IGSF9: variants seen among roughly 807,000 people sequenced by gnomAD.
IGSF9 encodes the protein immunoglobulin superfamily member 9.
In IGSF9, 87 loss-of-function variants were observed where a neutral mutation model predicts 121.7. That is an observed-to-expected ratio of 0.71 (90% CI 0.60 to 0.85). The LOEUF is 0.85. IGSF9 is among the 40% of genes least tolerant of loss of function. The pLI is 0.00. For synonymous variants in IGSF9, 640 were observed against 648.4 expected, an observed-to-expected ratio of 0.99 and a Z score of 0.20; for missense variants, 1,462 against 1,565.3, an observed-to-expected ratio of 0.93 and a Z score of 1.11.
chr1:159,943,094 A>G lies in IGSF9; in HGVS notation c.116T>C (p.Leu39Pro). ...VVGRAGESVVLGCDLLPPAGR... is the reference protein window; with the variant it reads ...VVGRAGESVVPGCDLLPPAGR... Reference sequence around the variant, plus strand: ...GGCCGGGGGCAGCAGGTCACAGCCCAGCACCACACTCTCCCCAGCCCGGCC... The same window carrying G: ...GGCCGGGGGCAGCAGGTCACAGCCCGGCACCACACTCTCCCCAGCCCGGCC... Residue 39 changes from leucine (L) to proline (P), a missense_variant, in exon 3 of 21, where the codon CTG becomes CCG. Around this residue, in one of 3 missense-constraint regions of IGSF9, gnomAD observed 558 missense variants for 599.4 expected, o/e 0.93. Transcript: ENST00000368094. 6.2e-7 allele frequency: 1 copy of G among 1,611,052 alleles called. No individual in the cohort carries two copies. The highest frequency in any genetic ancestry group is 8.5e-7 in the Non-Finnish European group (1 of 1,179,030).
At position 159,932,384 on chromosome 1, in the gene IGSF9, T is replaced by C. The variant is rs945065467; in HGVS notation, c.1245+128A>G. 1.9e-6 allele frequency: 2 copies of C among 1,077,876 alleles called. No homozygotes were observed. The highest frequency in any genetic ancestry group is 2.7e-6 in the Non-Finnish European group (2 of 744,254). The allele number at this position is 1,077,876 out of a possible 1,614,324, so 66.8% of individuals were successfully genotyped here. ...CAGGCAGCTGCTGCCGTGGCCACCA[T>C]GGGAAACAAACTTGGAAACCCCTCC... On this transcript the variant is annotated intron_variant, in intron 10 of 20. Coordinates refer to ENST00000368094, the MANE Select transcript of IGSF9 (RefSeq NM_001135050.2). The surrounding 1 kb of genome is among the most constrained non-coding windows in gnomAD (Gnocchi z 4.1).
At chr1:159,937,971 G>A in intron 3 of IGSF9, 133 bp from the exon 4 acceptor site, 1 of 976,396 alleles carries the variant, frequency 1.0e-6, no homozygotes, top group Non-Finnish European at 1.5e-6. Flanking sequence ...GGGGTCCAGA[G>A]AGACGCAGAT....
In IGSF9 at chr1:159,930,445, T is replaced by C; in HGVS notation, c.1814-6A>G. 6.5e-7 allele frequency: 1 copy of C among 1,529,592 alleles called. No homozygotes were observed. Among genetic ancestry groups the C allele is most frequent in the Non-Finnish European group, 8.8e-7 (1 of 1,140,488 alleles). 94.8% of individuals were successfully genotyped at this position (1,529,592 alleles called of 1,614,324 possible). ...AGCTGGCGTGGTAGGAAGCCCTGCG[T>C]GGGACAGAAAGGCAGGTCAGAGCAA... On this transcript the variant is annotated splice_polypyrimidine_tract_variant and splice_region_variant and intron_variant, in intron 14 of 20. Transcript: ENST00000368094.
Position 159,936,428 on chromosome 1 carries a change from G to A in IGSF9, c.644C>T (p.Ala215Val), listed in dbSNP as rs576460274. The change falls in exon 6 of 21, where the codon GCC (alanine) becomes GTC (valine). Residue 215 changes from alanine (A) to valine (V), a missense_variant. Transcript: ENST00000368094. ...TCQASSTEGSATHATQLLVLG... is the reference protein window; with the variant it reads ...TCQASSTEGSVTHATQLLVLG... ...CACTAGCAGCTGGGTGGCGTGGGTG[G>A]CGCTGCCCTCAGTGCTGGAGGCTTG... 12 of 1,614,066 alleles carry A rather than the reference G, an allele frequency of 7.4e-6. No homozygotes were observed. The Admixed American group carries it at 1.0e-4, about 13-fold the overall frequency.
Position 159,943,059 on chromosome 1 carries a change from G to A in IGSF9, c.151C>T (p.Pro51Ser), listed in dbSNP as rs780048461. The A allele has an allele frequency of 3.1e-6, 5 of 1,613,198 alleles. No homozygotes were observed. Among genetic ancestry groups the A allele is most frequent in the Non-Finnish European group, 3.4e-6 (4 of 1,179,620 alleles). The change falls in exon 3 of 21, where the codon CCC becomes TCC. Residue 51 changes from proline to serine, a missense_variant. Transcript: ENST00000368094. The stretch of plus-strand genomic sequence containing the variant: ...CGCAGCCACTCGATGACATGCAGGG[G>A]GGGCCGGCCGGCCGGGGGCAGCAGG... ...CDLLPPAGRP[P>S]LHVIEWLRFG...
At chr1:159,943,351 AC>A (rs1651468529) in intron 2 of IGSF9, 45 bp downstream of exon 2, 1 of 1,494,634 alleles carries the variant, frequency 6.7e-7, no homozygotes, top group Admixed American at 2.4e-5. Flanking sequence ...CCCCATACCC[AC>A]CCCAAGGCTA....
rs760663053 is a variant in IGSF9, at chr1:159,928,837, C to A, written c.2551G>T (p.Gly851Trp). The A allele has an allele frequency of 6.5e-7, 1 of 1,549,652 alleles. No individual in the cohort carries two copies. The highest frequency in any genetic ancestry group is 1.2e-5 in the South Asian group (1 of 81,766). ...PLEPICRGPD[G>W]RFVMGPTVAA... Reference sequence around the variant, plus strand: ...ACAGTGGGCCCCATCACAAAGCGCCCGTCTGGGCCCCGGCAAATGGGCTCC... The same window carrying A: ...ACAGTGGGCCCCATCACAAAGCGCCAGTCTGGGCCCCGGCAAATGGGCTCC... The change falls in exon 19 of 21, where the codon GGG becomes TGG. Residue 851 changes from glycine (G) to tryptophan (W), a missense_variant. Gly to Trp is a radical substitution (Grantham distance 184). This residue lies in a region of IGSF9 where 808 missense variants were observed against 815.2 expected (regional missense o/e 0.99). Coordinates refer to ENST00000368094, the MANE Select transcript of IGSF9 (RefSeq NM_001135050.2).
rs1176359817 is a variant in IGSF9 at position 159,927,331 on chromosome 1, C to T, written c.*14G>A. On this transcript the variant is annotated 3_prime_UTR_variant, in exon 21 of 21. Coordinates refer to ENST00000368094, the MANE Select transcript of IGSF9 (RefSeq NM_001135050.2). The stretch of plus-strand genomic sequence containing the variant: ...AGGTCCATATGCCTTTTCACAGCCT[C>T]ACATCAGGGATGTTCACAGCAGAGT... The T allele has an allele frequency of 1.2e-6, 2 of 1,613,108 alleles. No individual in the cohort carries two copies. Among genetic ancestry groups the T allele is most frequent in the Non-Finnish European group, 1.7e-6 (2 of 1,180,022 alleles).
At position 159,934,221 on chromosome 1, in the gene IGSF9, G is replaced by A. The variant is rs769839557; in HGVS notation, c.1073C>T (p.Thr358Ile). 36 of 1,613,820 alleles carry A rather than the reference G, an allele frequency of 2.2e-5. No homozygotes were observed. Among genetic ancestry groups the A allele is most frequent in the Non-Finnish European group, 3.0e-5 (35 of 1,179,972 alleles). Residue 358 changes from threonine to isoleucine, a missense_variant, in exon 9 of 21, where the codon ACC becomes ATC. Physicochemically the swap from Thr to Ile is moderately conservative, Grantham distance 89 (BLOSUM62 -1). Coordinates refer to ENST00000368094, the MANE Select transcript of IGSF9 (RefSeq NM_001135050.2). ...ANPPLLFVSWTKDGKALQLDK... is the reference protein window; with the variant it reads ...ANPPLLFVSWIKDGKALQLDK... ...CAGCTGCAGGGCCTTTCCATCCTTG[G>A]TCCAGCTGACAAAGAGCAGTGGGGG... is the stretch of plus-strand genomic sequence containing the variant.
Position 159,928,154 on chromosome 1 carries a change from T to A in IGSF9, c.3230+4A>T. ...AGGCAGGGATGGGCAGGGACTGCTC[T>A]CACCTCTTGCTGACTGTCACCACAT... On this transcript the variant is annotated splice_donor_region_variant and intron_variant, in intron 19 of 20. Coordinates refer to ENST00000368094, the MANE Select transcript of IGSF9 (RefSeq NM_001135050.2). 1.2e-6 allele frequency: 2 copies of A among 1,605,164 alleles called. No homozygotes were observed. The highest frequency in any genetic ancestry group is 8.5e-7 in the Non-Finnish European group (1 of 1,179,668).
chr1:159,941,524 C>T (rs1651379964), intron 3 of IGSF9, among the ~76,000 whole-genome samples: 1 of 152,224 alleles, frequency 6.6e-6, no homozygotes, highest in African/African-American at 2.4e-5. Context: ...GCTCAAGCAA[C>T]AGCACAGACA....
chr1:159,942,957 T>C lies in IGSF9; in HGVS notation c.247+6A>G, dbSNP rs756486234. On this transcript the variant is annotated splice_donor_region_variant and intron_variant, in intron 3 of 20. Transcript: ENST00000368094. ...TCCCTACCTCCCACCTGAGGAGAAC[T>C]CTTACCCACGTAATCAGGGTCAATT... 1.9e-6 allele frequency: 3 copies of C among 1,611,616 alleles called. No homozygotes were observed. In the East Asian group the frequency reaches 6.7e-5, roughly 36 times the overall value.
At position 159,930,844 on chromosome 1, in the gene IGSF9, T is replaced by G; in HGVS notation, c.1661A>C (p.His554Pro). 6.2e-7 allele frequency: 1 copy of G among 1,611,376 alleles called. No homozygotes were observed. The highest frequency in any genetic ancestry group is 1.1e-5 in the South Asian group (1 of 90,798). Residue 554 changes from histidine to proline, a missense_variant, in exon 14 of 21, where the codon CAC (histidine) becomes CCC (proline). Coordinates refer to ENST00000368094, the MANE Select transcript of IGSF9 (RefSeq NM_001135050.2). ...CACTGCCAAGGACACCCAGTCATGG[T>G]GCATTCGGTCAGGACGCTTGGCCCT... is the stretch of plus-strand genomic sequence containing the variant. ...TPLAKRPDRM[H>P]HDWVSLAVPV...
chr1:159,941,442 C>T (rs190225712), intron 3 of IGSF9, among the ~76,000 whole-genome samples: 109 of 152,350 alleles, frequency 7.2e-4, no homozygotes, highest in African/African-American at 2.5e-3. Context: ...GAGCTCCAGA[C>T]GGAGGTAGGG....
intron 3 of IGSF9, 150 bp downstream of exon 3, chr1:159,942,813 A>G (rs1049025286): frequency 3.8e-5 from 24 of 634,658 alleles, no homozygotes; most frequent in Middle Eastern, 3.9e-4. Context: ...TTGGGAGCAC[A>G]GCCATGCTTA....
rs1022844768 is a variant in IGSF9, at chr1:159,928,806, G to A, written c.2582C>T (p.Ala861Val). ...CTCCCGGCCTGACCTTTCCTGGGGG[G>A]CCGCCACAGTGGGCCCCATCACAAA... ...GRFVMGPTVA[A>V]PQERSGREQA... Residue 861 changes from alanine (A) to valine (V), a missense_variant, in exon 19 of 21, where the codon GCC (alanine) becomes GTC (valine). By Grantham distance (64) the Ala-to-Val change is moderately conservative. This residue lies in a region of IGSF9 where 808 missense variants were observed against 815.2 expected (regional missense o/e 0.99). Transcript: ENST00000368094. The A allele has an allele frequency of 2.0e-6, 3 of 1,496,688 alleles. No individual in the cohort carries two copies. Among genetic ancestry groups the A allele is most frequent in the Non-Finnish European group, 8.9e-7 (1 of 1,121,752 alleles). 92.7% of individuals were successfully genotyped at this position (1,496,688 alleles called of 1,614,324 possible). A position where few individuals can be genotyped will look rare whatever the true frequency, so the allele number is the denominator to read the frequency against.
intron 4 of IGSF9, 58 bp downstream of exon 4, chr1:159,937,628 G>A (rs974832822): frequency 8.5e-5 from 133 of 1,573,532 alleles, no homozygotes; most frequent in Non-Finnish European, 1.1e-4. Context: ...CCACCAGCCA[G>A]AGATCCCCAT....
At chr1:159,930,583 G>T in intron 14 of IGSF9, 109 bp downstream of exon 14, 1 of 1,543,010 alleles carries the variant, frequency 6.5e-7, no homozygotes, top group Non-Finnish European at 8.8e-7. Context: ...TGGACCCCAA[G>T]CTGGCCAGCA....
intron 18 of IGSF9, 149 bp from the exon 19 acceptor site, chr1:159,929,167 A>C: frequency 7.7e-7 from 1 of 1,299,486 alleles, no homozygotes; most frequent in South Asian, 1.3e-5. Context: ...GGGTGGAGGG[A>C]AGGCACAGGC....
Sources: allele counts gnomAD v4.1 joint callset (sites outside exome capture counted in the v4.1 genomes callset), GRCh38; gene constraint gnomAD v4.1.1; regional missense constraint gnomAD v4.1.1; non-coding constraint Gnocchi (gnomAD v3.1); transcripts MANE v1.5; gene names NCBI Gene and HGNC (gene_info 2026-07-23, HGNC 2026-07-21).